The following CSMD3 variants were observed in gnomAD, a reference collection of about 807,000 sequenced individuals.
CSMD3 encodes the protein CUB and sushi domain-containing protein 3.
A neutral mutation model predicts 435.2 loss-of-function variants in CSMD3; 177 were observed. The observed-to-expected ratio is 0.41, with a 90% CI of 0.36 to 0.46. CSMD3 has a LOEUF of 0.46. Among genes scored for constraint, CSMD3 ranks in the 20% least tolerant of loss-of-function variants. The pLI, the probability that CSMD3 is intolerant of heterozygous loss-of-function variation, is 0.34. For synonymous variants in CSMD3, 1,656 were observed against 1,520.5 expected (o/e 1.09, Z -2.07); for missense variants, 4,265 against 4,504.6 (o/e 0.95, Z 1.52).
intron 1 of CSMD3, among the ~76,000 whole-genome samples, chr8:113,334,293 TTTC>T (rs2094052573): frequency 2.1e-5 from 2 of 93,416 alleles, no homozygotes; most frequent in African/African-American, 6.5e-5. Context: ...TTTTTTTTTT[TTTC>T]ATTTCCAGCC....
intron 10 of CSMD3, among the ~76,000 whole-genome samples, chr8:112,865,685 C>CA (rs755634323): frequency 0.26 from 6,079 of 23,628 alleles, 184 homozygotes; most frequent in African/African-American, 0.41. Flanking sequence ...CTTTACATAC[C>CA]CCACACACAC....
chr8:112,295,961 A>G lies in CSMD3; in HGVS notation c.8486T>C (p.Ile2829Thr), dbSNP rs1820219852. 2 of 1,613,684 alleles carry G rather than the reference A, an allele frequency of 1.2e-6. No individual in the cohort carries two copies. Among genetic ancestry groups the G allele is most frequent in the Non-Finnish European group, 1.7e-6 (2 of 1,179,696 alleles). Reference protein sequence around the residue: ...IPELIVNGQVIGENYGYRDTV... With the variant: ...IPELIVNGQVTGENYGYRDTV... The stretch of plus-strand genomic sequence containing the variant: ...GTCTCTATATCCATAATTTTCTCCA[A>G]TGACTTGACCATTCACAATCAGTTC... Residue 2829 changes from isoleucine to threonine, a missense_variant, in exon 54 of 71, where the codon ATT (isoleucine) becomes ACT (threonine). Ile to Thr is a moderately conservative substitution (Grantham distance 89). Around this residue, in one of 3 missense-constraint regions of CSMD3, gnomAD observed 3,255 missense variants for 3,380.2 expected, o/e 0.96. Transcript: ENST00000297405.
intron 45 of CSMD3, among the ~76,000 whole-genome samples, chr8:112,325,421 C>T (rs1180327357): frequency 6.6e-6 from 1 of 152,056 alleles, no homozygotes; most frequent in Non-Finnish European, 1.5e-5. Flanking sequence ...TTGCAGTTAA[C>T]TTTGTTTCAC....
chr8:112,398,139 A>G (rs1221958779), intron 35 of CSMD3, among the ~76,000 whole-genome samples: 1 of 152,186 alleles, frequency 6.6e-6, no homozygotes, highest in Non-Finnish European at 1.5e-5. Flanking sequence ...AAGCAGGACC[A>G]AAACCTTAAA....
chr8:113,311,818 T>C (rs2093871573), intron 2 of CSMD3: 1 of 152,128 alleles, frequency 6.6e-6, no homozygotes, highest in Admixed American at 6.5e-5. Context: ...ATGTGTTAAA[T>C]GTTTACAGTG....
At chr8:112,466,853 T>G (rs1818005063) in intron 32 of CSMD3, among the ~76,000 whole-genome samples, 1 of 151,814 alleles carries the variant, frequency 6.6e-6, no homozygotes, top group Non-Finnish European at 1.5e-5. Context: ...TTGCTACTTA[T>G]CACTGTTTTA....
At chr8:112,988,013 C>A (rs1257061522) in intron 6 of CSMD3, among the ~76,000 whole-genome samples, 1 of 152,000 alleles carries the variant, frequency 6.6e-6, no homozygotes, top group Non-Finnish European at 1.5e-5. Context: ...GTCTAGGAAT[C>A]TGTATTCTCA....
intron 1 of CSMD3, among the ~76,000 whole-genome samples, chr8:113,422,035 T>G: frequency 6.6e-6 from 1 of 152,188 alleles, no homozygotes; most frequent in Non-Finnish European, 1.5e-5. Context: ...CAGGTCATTG[T>G]ATTCTGGAAC....
chr8:113,138,135 T>G (rs1480265369), intron 4 of CSMD3, among the ~76,000 whole-genome samples: 1 of 151,430 alleles, frequency 6.6e-6, no homozygotes, highest in Non-Finnish European at 1.5e-5. Context: ...ACCACACTTT[T>G]CAAAACACTC....
intron 4 of CSMD3, among the ~76,000 whole-genome samples, chr8:113,100,015 A>C (rs2090282217): frequency 6.6e-6 from 1 of 152,124 alleles, no homozygotes; most frequent in African/African-American, 2.4e-5. Flanking sequence ...AAACAAATGG[A>C]GATGGACAAT....
At chr8:113,361,431 A>T (rs1473571637) in intron 1 of CSMD3, among the ~76,000 whole-genome samples, 1 of 152,132 alleles carries the variant, frequency 6.6e-6, no homozygotes, top group African/African-American at 2.4e-5. Context: ...AAATATTCTT[A>T]ACAAAAGTAT....
At chr8:112,777,906 A>G (rs1490826506) in intron 13 of CSMD3, among the ~76,000 whole-genome samples, 2 of 151,838 alleles carry the variant, frequency 1.3e-5, no homozygotes, top group African/African-American at 4.8e-5. Flanking sequence ...ATTGAGTAGT[A>G]GACTAAATCA....
At chr8:113,106,785 T>C (rs185109275) in intron 4 of CSMD3, among the ~76,000 whole-genome samples, 3 of 152,308 alleles carry the variant, frequency 2.0e-5, no homozygotes, top group East Asian at 3.9e-4. Context: ...GATTAATAAG[T>C]TGTCAGTGAA....
At chr8:112,577,683 CATTGCCATGTTTTA>C (rs1342399074) in intron 23 of CSMD3, among the ~76,000 whole-genome samples, 2 of 152,002 alleles carry the variant, frequency 1.3e-5, no homozygotes, top group African/African-American at 4.8e-5. Flanking sequence ...TAAAACTTAA[CATTGCCATGTTTTA>C]ATTGCCAAAA....
intron 3 of CSMD3, among the ~76,000 whole-genome samples, chr8:113,227,642 A>T (rs1588317884): frequency 6.6e-6 from 1 of 151,680 alleles, no homozygotes; most frequent in East Asian, 2.0e-4. Flanking sequence ...CTGATTGTTT[A>T]AAAGTGTTTG....
chr8:112,687,794 A>T (rs1362495302), intron 14 of CSMD3, among the ~76,000 whole-genome samples: 2 of 152,094 alleles, frequency 1.3e-5, no homozygotes, highest in Non-Finnish European at 2.9e-5. Context: ...ACATTGAAAA[A>T]TCATCATATT....
rs531497354 is a variant in CSMD3, at chr8:112,833,903, T to C, written c.1756-4114A>G. 6.6e-5 allele frequency among the ~76,000 whole-genome samples: 10 copies of C among 152,152 alleles called. No homozygotes were observed. In the South Asian group the frequency reaches 1.2e-3, roughly 19 times the overall value. The stretch of plus-strand genomic sequence containing the variant: ...ACCCCAACCTATTTCACAGTAGATA[T>C]ATGAGTGCACTGTAATTAAAATTAG... On this transcript the variant is annotated intron_variant, in intron 11 of 70. Transcript: ENST00000297405.
chr8:112,574,561 G>A (rs1451423799), intron 23 of CSMD3, among the ~76,000 whole-genome samples: 1 of 151,942 alleles, frequency 6.6e-6, no homozygotes, highest in African/African-American at 2.4e-5. Context: ...CCTAAAAAGT[G>A]TGTAGTAATT....
chr8:113,166,609 T>C (rs978127370), intron 4 of CSMD3, among the ~76,000 whole-genome samples: 1 of 152,154 alleles, frequency 6.6e-6, no homozygotes, highest in African/African-American at 2.4e-5. Flanking sequence ...AACTCAGAAA[T>C]GCTATGTTAA....
Sources: allele counts gnomAD v4.1 joint callset (sites outside exome capture counted in the v4.1 genomes callset), GRCh38; gene constraint gnomAD v4.1.1; regional missense constraint gnomAD v4.1.1; transcripts MANE v1.5; gene names NCBI Gene and HGNC (gene_info 2026-07-23, HGNC 2026-07-21).